Variants in LRP1 observed in about 807,000 individuals in gnomAD.
LRP1 encodes the protein LDL receptor related protein 1.
In LRP1, 51 loss-of-function variants were observed where a neutral mutation model predicts 541.5. That is an observed-to-expected ratio of 0.09 (90% confidence interval 0.08 to 0.12). The LOEUF is 0.12. Ranked by LOEUF, LRP1 falls within the 10% of genes least tolerant of loss-of-function variation. LRP1 has a pLI of 1.00. For missense variants in LRP1, 3,878 were observed against 6,376.2 expected, an observed-to-expected ratio of 0.61 and a Z score of 13.34; for synonymous variants, 2,219 against 2,470.8, an observed-to-expected ratio of 0.90 and a Z score of 3.02.
At chr12:57,191,887 C>T (rs376131958) in intron 44 of LRP1, among the ~76,000 whole-genome samples, 1 of 4,750 alleles carries the variant, frequency 2.1e-4, no homozygotes, top group Non-Finnish European at 4.9e-4. Flanking sequence ...CACACACACC[C>T]CACACATACC....
Position 57,161,047 on chromosome 12 carries a change from C to A in LRP1, c.2134C>A (p.Arg712Ser). 1 of 1,613,842 alleles carries A rather than the reference C, an allele frequency of 6.2e-7. No homozygotes were observed. Residue 712 changes from arginine to serine, a missense_variant, in exon 13 of 89, where the codon CGC becomes AGC. Physicochemically the swap from Arg to Ser is moderately radical, Grantham distance 110. Coordinates refer to ENST00000243077, the MANE Select transcript of LRP1 (RefSeq NM_002332.3). ...GCTAAGCCTGGACATCCCGGCTGGG[C>A]GCCTCTACTGGGTGGATGCCTTCTA... is the stretch of plus-strand genomic sequence containing the variant. ...NGLSLDIPAG[R>S]LYWVDAFYDR...
At chr12:57,196,708 C>T (rs570908464) in intron 55 of LRP1, among the ~76,000 whole-genome samples, 1 of 152,334 alleles carries the variant, frequency 6.6e-6, no homozygotes, top group East Asian at 1.9e-4. Context: ...AGGGGACCAG[C>T]AGAAGAGCCT....
At position 57,205,236 on chromosome 12, in the gene LRP1, G is replaced by A; in HGVS notation, c.11322G>A (p.Glu3774=). The A allele has an allele frequency of 6.2e-7, 1 of 1,612,284 alleles. No individual in the cohort carries two copies. The highest frequency in any genetic ancestry group is 2.2e-5 in the East Asian group (1 of 44,840). Residue 3774 remains glutamate (E), a synonymous_variant, in exon 73 of 89, where the codon GAG becomes GAA. Transcript: ENST00000243077. The surrounding 1 kb of genome is among the most constrained non-coding windows in gnomAD (Gnocchi z 4.6). ...ACTGCGGGGACGGCTCTGACGAGGA[G>A]GACTGCAGCATCGGTGAGGCCCGGC... ...FDDCGDGSDE[E]DCSIDPKLTS...
rs930621589 is a variant in LRP1, at chr12:57,175,363, G to T, written c.3548-97G>T. On this transcript the variant is annotated intron_variant, in intron 22 of 88. Coordinates refer to ENST00000243077, the MANE Select transcript of LRP1 (RefSeq NM_002332.3). Reference sequence around the variant, plus strand: ...GCCGTGGGCAGGGCACAAGGACTTGGTCCAGGCTGCCCAGGACTTGGGGCC... The same window carrying T: ...GCCGTGGGCAGGGCACAAGGACTTGTTCCAGGCTGCCCAGGACTTGGGGCC... 50 of 1,469,518 alleles carry T rather than the reference G, an allele frequency of 3.4e-5. 1 individual carries two copies. Among genetic ancestry groups the T allele is most frequent in the Non-Finnish European group, 4.3e-5 (46 of 1,067,350 alleles). 91.0% of individuals were successfully genotyped at this position (1,469,518 alleles called of 1,614,324 possible).
chr12:57,169,019 C>G (rs2035892183), intron 19 of LRP1, 121 bp from the exon 20 acceptor site: 6 of 784,916 alleles, frequency 7.6e-6, no homozygotes, highest in Non-Finnish European at 1.3e-5. Context: ...TGTTATTTTC[C>G]CAGTGGGGGG....
Position 57,154,427 on chromosome 12 carries a change from G to A in LRP1, c.1005-52G>A. On this transcript the variant is annotated intron_variant, in intron 7 of 88. Coordinates refer to ENST00000243077, the MANE Select transcript of LRP1 (RefSeq NM_002332.3). The surrounding 1 kb of genome is among the most constrained non-coding windows in gnomAD (Gnocchi z 4.6). The stretch of plus-strand genomic sequence containing the variant: ...AAGGTGGGAGGCTGAGGCTACAGTG[G>A]TAAGGAGGGTGCCCAATGTCCAGAC... The A allele has an allele frequency of 6.2e-7, 1 of 1,606,458 alleles. No individual in the cohort carries two copies. Among genetic ancestry groups the A allele is most frequent in the Non-Finnish European group, 8.5e-7 (1 of 1,174,350 alleles).
At chr12:57,194,055 T>A in intron 48 of LRP1, 43 bp downstream of exon 48, 1 of 1,559,470 alleles carries the variant, frequency 6.4e-7, no homozygotes, top group Non-Finnish European at 8.8e-7. Flanking sequence ...CTCCTCCCCA[T>A]CGCTCACTGC....
In LRP1 at chr12:57,165,699, G is replaced by A; in HGVS notation, c.2531-106G>A. On this transcript the variant is annotated intron_variant, in intron 15 of 88. Coordinates refer to ENST00000243077, the MANE Select transcript of LRP1 (RefSeq NM_002332.3). This position sits in a 1 kb window ranked among gnomAD's most constrained non-coding sequence, Gnocchi z 4.5. ...ATTTTGTACTAGAAAAAATTACTTT[G>A]TATTATTAAAAAATAGTAAAACAAA... The A allele has an allele frequency of 8.6e-7, 1 of 1,159,588 alleles. No individual in the cohort carries two copies. Among genetic ancestry groups the A allele is most frequent in the Non-Finnish European group, 1.2e-6 (1 of 818,860 alleles). 71.8% of individuals were successfully genotyped at this position (1,159,588 alleles called of 1,614,324 possible).
rs35151877 is a variant in LRP1, at chr12:57,180,496, G to A, written c.5386+17G>A. 379 of 1,613,496 alleles carry A rather than the reference G, an allele frequency of 2.3e-4. No homozygotes were observed. In the African/African-American group the frequency reaches 4.2e-3, roughly 18 times the overall value. On this transcript the variant is annotated intron_variant, in intron 32 of 88. Coordinates refer to ENST00000243077, the MANE Select transcript of LRP1 (RefSeq NM_002332.3). The stretch of plus-strand genomic sequence containing the variant: ...CCATCATGGGTGAGGGCTGCTGGGC[G>A]AAGCAGAGATGACGCAGAGCAGGCC...
At chr12:57,209,905 G>C (rs549475891) in intron 80 of LRP1, 37 bp downstream of exon 80, 3 of 1,607,286 alleles carry the variant, frequency 1.9e-6, no homozygotes, top group East Asian at 4.5e-5. Flanking sequence ...GGGAAGGGAG[G>C]CCTGTGGGCA....
chr12:57,190,735 G>T, intron 42 of LRP1, 70 bp from the exon 43 acceptor site: 1 of 1,464,248 alleles, frequency 6.8e-7, no homozygotes, highest in Non-Finnish European at 9.5e-7. Flanking sequence ...GTGCCTACGC[G>T]TCCTGGCCTG....
chr12:57,153,301 C>T (rs570838812), intron 6 of LRP1, among the ~76,000 whole-genome samples: 2 of 152,242 alleles, frequency 1.3e-5, no homozygotes, highest in Non-Finnish European at 2.9e-5. Flanking sequence ...CTTCCTGCCT[C>T]CTTGACTTCC....
In LRP1 at chr12:57,212,820, C is replaced by A; in HGVS notation, c.*265C>A. On this transcript the variant is annotated 3_prime_UTR_variant, in exon 89 of 89. Coordinates refer to ENST00000243077, the MANE Select transcript of LRP1 (RefSeq NM_002332.3). The surrounding 1 kb of genome is among the most constrained non-coding windows in gnomAD (Gnocchi z 5.0). ...AGGGCTTGGGGCTGCACCTCCTACC[C>A]TCCCACCAGAACGCACCCCACTGGG... is the stretch of plus-strand genomic sequence containing the variant. 2.3e-6 allele frequency: 1 copy of A among 438,422 alleles called. No homozygotes were observed. Among genetic ancestry groups the A allele is most frequent in the Non-Finnish European group, 4.1e-6 (1 of 245,730 alleles). The allele number at this position is 438,422 out of a possible 1,614,324, so 27.2% of individuals were successfully genotyped here.
At chr12:57,174,090 G>T (rs778878639) in intron 22 of LRP1, 110 bp downstream of exon 22, 1 of 1,114,594 alleles carries the variant, frequency 9.0e-7, no homozygotes, top group Non-Finnish European at 1.3e-6. Context: ...TGGCAGCCGG[G>T]CAGGCGAGCA....
At chr12:57,169,588 A>C (rs2035906076) in intron 20 of LRP1, among the ~76,000 whole-genome samples, 1 of 152,216 alleles carries the variant, frequency 6.6e-6, no homozygotes, top group South Asian at 2.1e-4. Flanking sequence ...GCCTTGAGCA[A>C]GTTACTTAAT....
chr12:57,201,768 AC>A lies in LRP1; in HGVS notation c.10469-9del, dbSNP rs2036661234. The stretch of plus-strand genomic sequence containing the variant: ...GGAGTCTCATCCTCACCCCATGCCC[AC>A]CCGCTTGCAGCCCAGATGACCTGTG... On this transcript the variant is annotated splice_polypyrimidine_tract_variant and intron_variant, in intron 66 of 88. Transcript: ENST00000243077. This position sits in a 1 kb window ranked among gnomAD's most constrained non-coding sequence, Gnocchi z 6.4. 1.3e-5 allele frequency: 21 copies of A among 1,613,238 alleles called. No homozygotes were observed. Among genetic ancestry groups the A allele is most frequent in the Non-Finnish European group, 1.8e-5 (21 of 1,179,698 alleles).
Position 57,138,593 on chromosome 12 carries a change from T to C in LRP1, c.190+12T>C. 1 of 1,613,542 alleles carries C rather than the reference T, an allele frequency of 6.2e-7. No homozygotes were observed. The highest frequency in any genetic ancestry group is 8.5e-7 in the Non-Finnish European group (1 of 1,179,636). On this transcript the variant is annotated intron_variant, in intron 2 of 88. Coordinates refer to ENST00000243077, the MANE Select transcript of LRP1 (RefSeq NM_002332.3). ...GGCCCCTGAGATTTGTAAGTACCTT[T>C]TCTGGATTCTTCTCCCCAAACCCTT... is the stretch of plus-strand genomic sequence containing the variant.
In LRP1 at chr12:57,158,877, C is replaced by G. The variant is rs1390301000; in HGVS notation, c.1798+239C>G. On this transcript the variant is annotated intron_variant, in intron 11 of 88. Transcript: ENST00000243077. This position sits in a 1 kb window ranked among gnomAD's most constrained non-coding sequence, Gnocchi z 5.3. ...CCGTCCTTGCCAGCCCTTGGGAAAA[C>G]TCAGGGTCTGTCTGCATTGGCTTAG... Among the ~76,000 whole-genome samples, 1 of 152,202 alleles carries G rather than the reference C, an allele frequency of 6.6e-6. No homozygotes were observed. Among genetic ancestry groups the G allele is most frequent in the Non-Finnish European group, 1.5e-5 (1 of 68,026 alleles).
Position 57,183,848 on chromosome 12 carries a change from T to C in LRP1, c.5868T>C (p.Arg1956=). ...ISRAKRDQTW[R]EDVVTNGIGR... is the part of the protein sequence containing the mutation. Reference sequence around the variant, plus strand: ...GGGCCAAGCGGGACCAGACGTGGCGTGAAGACGTGGTGACCAATGGCATTG... The same window carrying C: ...GGGCCAAGCGGGACCAGACGTGGCGCGAAGACGTGGTGACCAATGGCATTG... Residue 1956 remains arginine, a synonymous_variant, in exon 36 of 89, where the codon CGT becomes CGC. Transcript: ENST00000243077. The surrounding 1 kb of genome is among the most constrained non-coding windows in gnomAD (Gnocchi z 6.1). The C allele has an allele frequency of 6.2e-7, 1 of 1,614,160 alleles. No individual in the cohort carries two copies. Among genetic ancestry groups the C allele is most frequent in the Non-Finnish European group, 8.5e-7 (1 of 1,180,034 alleles).
Sources: allele counts gnomAD v4.1 joint callset (sites outside exome capture counted in the v4.1 genomes callset), GRCh38; gene constraint gnomAD v4.1.1; non-coding constraint Gnocchi (gnomAD v3.1); transcripts MANE v1.5; gene names NCBI Gene and HGNC (gene_info 2026-07-23, HGNC 2026-07-21).